SLIT3: variants seen among roughly 807,000 people sequenced by gnomAD.
SLIT3 encodes slit guidance ligand 3, also known as slit homolog 3 protein.
A neutral mutation model predicts 184.0 loss-of-function variants in SLIT3; 68 were observed. That is an observed-to-expected ratio of 0.37 (90% confidence interval 0.30 to 0.45). The LOEUF is 0.45. Ranked by LOEUF, SLIT3 falls within the 20% of genes least tolerant of loss-of-function variation. The pLI, the probability that SLIT3 is intolerant of heterozygous loss-of-function variation, is 1.00. For synonymous variants in SLIT3, 831 were observed against 828.6 expected, an observed-to-expected ratio of 1.00 and a Z score of -0.05; for missense variants, 1,707 against 2,026.0, an observed-to-expected ratio of 0.84 and a Z score of 3.02.
At chr5:169,273,053 C>T (rs979473828) in intron 1 of SLIT3, among the ~76,000 whole-genome samples, 3 of 152,140 alleles carry the variant, frequency 2.0e-5, no homozygotes, top group Non-Finnish European at 2.9e-5. Context: ...ACACATGGTG[C>T]CAAATGCTAA....
intron 4 of SLIT3, among the ~76,000 whole-genome samples, chr5:169,039,614 GC>G (rs1221945710): frequency 6.6e-6 from 1 of 152,088 alleles, no homozygotes; most frequent in African/African-American, 2.4e-5. Context: ...ACTTCACCCG[GC>G]CAGGAGTTAA....
chr5:169,267,634 T>C (rs1304541959), intron 1 of SLIT3, among the ~76,000 whole-genome samples: 1 of 152,110 alleles, frequency 6.6e-6, no homozygotes, highest in Non-Finnish European at 1.5e-5. Flanking sequence ...CTTTTGTGAG[T>C]TAAAGGGGAA....
At chr5:168,700,462 T>C (rs1762181692) in intron 27 of SLIT3, 120 bp downstream of exon 27, 9 of 723,360 alleles carry the variant, frequency 1.2e-5, no homozygotes, top group Non-Finnish European at 2.0e-5. Flanking sequence ...TTCCCAGCCA[T>C]GCTGAACTGT....
chr5:169,098,604 A>G (rs1462286936), intron 4 of SLIT3, among the ~76,000 whole-genome samples: 1 of 152,216 alleles, frequency 6.6e-6, no homozygotes, highest in South Asian at 2.1e-4. Context: ...TAGACATGAA[A>G]TAGCTCAGCA....
chr5:169,085,236 A>T (rs1280037132), intron 4 of SLIT3, among the ~76,000 whole-genome samples: 1 of 152,174 alleles, frequency 6.6e-6, no homozygotes, highest in Non-Finnish European at 1.5e-5. Context: ...TCGGCTGGAA[A>T]CACATGTGGC....
At chr5:168,782,907 T>C (rs754666970) in intron 12 of SLIT3, among the ~76,000 whole-genome samples, 2 of 152,196 alleles carry the variant, frequency 1.3e-5, no homozygotes, top group African/African-American at 2.4e-5. Context: ...GGATTAATTA[T>C]AGGGAGACAT....
chr5:168,959,448 GA>G (rs796863685), intron 4 of SLIT3, among the ~76,000 whole-genome samples: 15 of 152,322 alleles, frequency 9.8e-5, no homozygotes, highest in African/African-American at 3.4e-4. Flanking sequence ...TCCCACACGT[GA>G]AAACCACCCT....
chr5:168,749,551 C>T lies in SLIT3; in HGVS notation c.2058G>A (p.Gly686=). ...KWLRKRRIVS[G]NPRCQKPFFL... is the part of the protein sequence containing the mutation. ...AAAATGGCTTCTGGCACCTAGGGTT[C>T]CCACTGACGATCCGCCTCTTCCTCA... The change falls in exon 19 of 36, where the codon GGG becomes GGA. Residue 686 remains glycine, a synonymous_variant. Coordinates refer to ENST00000519560, the MANE Select transcript of SLIT3 (RefSeq NM_003062.4). 11 of 1,614,186 alleles carry T rather than the reference C, an allele frequency of 6.8e-6. No homozygotes were observed. The highest frequency in any genetic ancestry group is 9.3e-6 in the Non-Finnish European group (11 of 1,180,040).
intron 4 of SLIT3, among the ~76,000 whole-genome samples, chr5:169,191,600 A>G (rs184619117): frequency 7.2e-5 from 11 of 152,288 alleles, no homozygotes; most frequent in African/African-American, 2.6e-4. Context: ...AAAAGGGAGG[A>G]GAGGGTATCT....
intron 20 of SLIT3, among the ~76,000 whole-genome samples, chr5:168,745,452 C>T (rs577817004): frequency 2.6e-5 from 4 of 151,568 alleles, no homozygotes; most frequent in African/African-American, 9.7e-5. Context: ...CACTTTATTG[C>T]CCAAGCTGGA....
At chr5:169,012,940 G>A (rs1181062641) in intron 4 of SLIT3, 2 of 152,286 alleles carry the variant, frequency 1.3e-5, no homozygotes, top group South Asian at 2.1e-4. Context: ...TGAGAATAGC[G>A]CTACTATCTG....
At chr5:169,166,299 C>G (rs1291653923) in intron 4 of SLIT3, among the ~76,000 whole-genome samples, 1 of 152,134 alleles carries the variant, frequency 6.6e-6, no homozygotes, top group Non-Finnish European at 1.5e-5. Context: ...AAAGGGCTGC[C>G]TGGTGAATTA....
At chr5:168,994,378 A>ATTTTTTTT (rs1755437797) in intron 4 of SLIT3, among the ~76,000 whole-genome samples, 2 of 151,952 alleles carry the variant, frequency 1.3e-5, no homozygotes, top group Admixed American at 1.3e-4. Flanking sequence ...CTATACATTT[A>ATTTTTTTT]TTTTCCACAC....
intron 1 of SLIT3, among the ~76,000 whole-genome samples, chr5:169,264,838 A>C (rs1766337194): frequency 6.6e-6 from 1 of 152,200 alleles, no homozygotes; most frequent in African/African-American, 2.4e-5. Flanking sequence ...TGGGAAAGAA[A>C]TGAGCTGAAT....
chr5:169,162,612 C>T (rs936894147), intron 4 of SLIT3, among the ~76,000 whole-genome samples: 1 of 152,300 alleles, frequency 6.6e-6, no homozygotes, highest in Middle Eastern at 3.4e-3. Context: ...CAGCACTGAC[C>T]ACACCATGAG....
intron 35 of SLIT3, among the ~76,000 whole-genome samples, chr5:168,669,306 C>A (rs1761157606): frequency 6.6e-6 from 1 of 152,228 alleles, no homozygotes; most frequent in South Asian, 2.1e-4. Context: ...ATGCCAGCTG[C>A]CCTGGCGCAA....
intron 4 of SLIT3, among the ~76,000 whole-genome samples, chr5:169,147,004 T>C (rs1761947493): frequency 6.6e-6 from 1 of 152,222 alleles, no homozygotes; most frequent in Non-Finnish European, 1.5e-5. Context: ...CTTAGCCTAG[T>C]GTCTGGCTCA....
rs2113348031 is a variant in SLIT3 at position 168,978,438 on chromosome 5, C to T, written c.414-95102G>A. Among the ~76,000 whole-genome samples the T allele has an allele frequency of 2.6e-5, 4 of 152,320 alleles. No homozygotes were observed. In the Middle Eastern group the frequency reaches 0.01, roughly 389 times the overall value. ...TTCAGACCTAAGAGCCTTGGGCTTTCCTTTCTTTTCTTTCTCCTCCTCCAC... is the reference window on the plus strand; with the variant it reads ...TTCAGACCTAAGAGCCTTGGGCTTTTCTTTCTTTTCTTTCTCCTCCTCCAC... On this transcript the variant is annotated intron_variant, in intron 4 of 35. Coordinates refer to ENST00000519560, the MANE Select transcript of SLIT3 (RefSeq NM_003062.4).
At chr5:169,145,164 A>G (rs1761885073) in intron 4 of SLIT3, among the ~76,000 whole-genome samples, 1 of 152,184 alleles carries the variant, frequency 6.6e-6, no homozygotes, top group Admixed American at 6.5e-5. Context: ...ATTATTTTCC[A>G]AGGCTGCGTG....
Sources: allele counts gnomAD v4.1 joint callset (sites outside exome capture counted in the v4.1 genomes callset), GRCh38; gene constraint gnomAD v4.1.1; transcripts MANE v1.5; gene names NCBI Gene and HGNC (gene_info 2026-07-23, HGNC 2026-07-21).